C12orf54: variants seen among roughly 807,000 people sequenced by gnomAD.
C12orf54 encodes chromosome 12 open reading frame 54, also known as uncharacterized protein C12orf54.
A neutral mutation model predicts 26.4 loss-of-function variants in C12orf54; 24 were observed. That is an observed-to-expected ratio of 0.91 (90% CI 0.66 to 1.28). The LOEUF (loss-of-function observed/expected upper bound fraction) is 1.28. Among genes scored for constraint, C12orf54 ranks in the 50% most tolerant of loss-of-function variants. C12orf54 has a pLI of 0.00. For synonymous variants in C12orf54, 54 were observed against 47.0 expected, an observed-to-expected ratio of 1.15 and a Z score of -0.61; for missense variants, 154 against 150.9, an observed-to-expected ratio of 1.02 and a Z score of -0.11.
chr12:48,434,762 T>G, the C12orf54 span, among the ~76,000 whole-genome samples: 177 of 152,142 alleles, frequency 1.2e-3, 1 homozygote, highest in South Asian at 2.7e-3. Flanking sequence ...ACCCATCTGT[T>G]CGTCACCATC....
chr12:48,426,075 GT>G, the C12orf54 span, among the ~76,000 whole-genome samples: 4 of 151,990 alleles, frequency 2.6e-5, no homozygotes, highest in South Asian at 8.3e-4. Flanking sequence ...CCGTGCAGAA[GT>G]TCTCAAGTGT....
the C12orf54 span, among the ~76,000 whole-genome samples, chr12:48,459,326 G>C: frequency 6.6e-6 from 1 of 152,182 alleles, no homozygotes; most frequent in Non-Finnish European, 1.5e-5. Context: ...TGCCTCAAAG[G>C]TAAGTGTAGC....
At chr12:48,438,486 G>A in the C12orf54 span, among the ~76,000 whole-genome samples, 41 of 152,088 alleles carry the variant, frequency 2.7e-4, no homozygotes, top group Non-Finnish European at 3.7e-4. Context: ...GAGGCATCAC[G>A]CTACCTGACT....
At chr12:48,494,333 C>CTT (rs1565573854) in intron 7 of C12orf54, among the ~76,000 whole-genome samples, 1 of 152,000 alleles carries the variant, frequency 6.6e-6, no homozygotes, top group East Asian at 1.9e-4. Context: ...AAAATTGACT[C>CTT]TTATAAAATA....
At chr12:48,445,827 T>C in the C12orf54 span, among the ~76,000 whole-genome samples, 4 of 152,158 alleles carry the variant, frequency 2.6e-5, no homozygotes, top group Non-Finnish European at 1.5e-5. Flanking sequence ...AAGTGTTTCA[T>C]TTTCCCAAAA....
chr12:48,474,948 C>A, the C12orf54 span, among the ~76,000 whole-genome samples: 1 of 152,232 alleles, frequency 6.6e-6, no homozygotes, highest in African/African-American at 2.4e-5. Flanking sequence ...CAGACTGCCT[C>A]CTCAAGTGGG....
chr12:48,461,348 G>C, the C12orf54 span, among the ~76,000 whole-genome samples: 2 of 151,828 alleles, frequency 1.3e-5, no homozygotes, highest in African/African-American at 4.8e-5. Flanking sequence ...AAATCAGTAA[G>C]TGAATAGAAG....
the C12orf54 span, among the ~76,000 whole-genome samples, chr12:48,433,750 C>T: frequency 6.6e-6 from 1 of 152,056 alleles, no homozygotes; most frequent in African/African-American, 2.4e-5. Context: ...CCCGGCCAGC[C>T]AGAAGCTTTT....
chr12:48,419,137 A>G, the C12orf54 span, among the ~76,000 whole-genome samples: 9 of 152,192 alleles, frequency 5.9e-5, no homozygotes, highest in Non-Finnish European at 1.3e-4. Context: ...CTAGACTGGC[A>G]AGTGCCAGAA....
the C12orf54 span, among the ~76,000 whole-genome samples, chr12:48,451,138 A>G: frequency 2.0e-5 from 3 of 152,180 alleles, no homozygotes; most frequent in Admixed American, 6.5e-5. Context: ...ATCTGCCATA[A>G]TCACGTTGGC....
chr12:48,484,146 G>A (rs1954231445), intron 2 of C12orf54, among the ~76,000 whole-genome samples: 2 of 152,216 alleles, frequency 1.3e-5, no homozygotes, highest in Non-Finnish European at 2.9e-5. Context: ...GGTGAGCCGG[G>A]ATCATGCCAT....
chr12:48,492,331 G>C (rs1485522347), intron 6 of C12orf54, among the ~76,000 whole-genome samples: 1 of 152,188 alleles, frequency 6.6e-6, no homozygotes, highest in Non-Finnish European at 1.5e-5. Context: ...GTGAGATCCA[G>C]AGGCTTGTGA....
chr12:48,488,369 T>C (rs375034899), intron 4 of C12orf54: 2 of 501,360 alleles, frequency 4.0e-6, no homozygotes, highest in Non-Finnish European at 7.6e-6. Flanking sequence ...AAGCCAAGGC[T>C]GGGGCTGGGT....
intron 5 of C12orf54, among the ~76,000 whole-genome samples, chr12:48,489,581 T>A (rs1200779367): frequency 1.3e-5 from 2 of 151,816 alleles, no homozygotes; most frequent in Non-Finnish European, 1.5e-5. Flanking sequence ...CCCAGCTAAC[T>A]TTTTTTGTAT....
chr12:48,494,743 T>G (rs960341413), intron 7 of C12orf54, 55 bp from the exon 8 acceptor site: 15 of 1,567,838 alleles, frequency 9.6e-6, no homozygotes, highest in Non-Finnish European at 1.3e-5. Flanking sequence ...GGAAGGGAAC[T>G]GAAAGGGTAA....
chr12:48,477,180 G>C, the C12orf54 span, among the ~76,000 whole-genome samples: 28 of 152,274 alleles, frequency 1.8e-4, 1 homozygote, highest in South Asian at 4.8e-3. Flanking sequence ...CAGAAATAAA[G>C]ATGTTCTTTG....
the C12orf54 span, among the ~76,000 whole-genome samples, chr12:48,464,000 G>T: frequency 6.6e-6 from 1 of 151,992 alleles, no homozygotes; most frequent in African/African-American, 2.4e-5. Flanking sequence ...AAAGCTAGAA[G>T]CATTCCCCTT....
At chr12:48,492,919 G>T in intron 6 of C12orf54, 28 bp from the exon 7 acceptor site, 3 of 1,608,756 alleles carry the variant, frequency 1.9e-6, no homozygotes, top group Non-Finnish European at 2.6e-6. Context: ...CCCTGTAACA[G>T]AATGACTCTT....
the C12orf54 span, among the ~76,000 whole-genome samples, chr12:48,425,932 C>CTT: frequency 0.053 from 7,173 of 134,692 alleles, 564 homozygotes; most frequent in East Asian, 0.28. Flanking sequence ...GGTTGTTTGG[C>CTT]TTTTTTTTTT....
Sources: gnomAD v4.1 joint callset for allele counts (sites outside exome capture counted in the v4.1 genomes callset) on GRCh38, gnomAD v4.1.1 for gene constraint, MANE v1.5 for transcripts, NCBI Gene and HGNC (gene_info 2026-07-23, HGNC 2026-07-21) for gene names.